The following FNDC3A variants were observed in gnomAD, a reference collection of about 807,000 sequenced individuals.
FNDC3A encodes fibronectin type-III domain-containing protein 3A.
In FNDC3A, 32 loss-of-function variants were observed where a neutral mutation model predicts 148.9. The observed-to-expected ratio is 0.21, with a 90% CI of 0.16 to 0.29. FNDC3A has a LOEUF of 0.29. Among genes scored for constraint, FNDC3A ranks in the 10% least tolerant of loss-of-function variants. FNDC3A has a pLI of 1.00. For missense variants in FNDC3A, 1,191 were observed against 1,452.8 expected (o/e 0.82, Z 2.93); for synonymous variants, 472 against 473.6 (o/e 1.00, Z 0.04).
At chr13:49,016,579 G>A (rs1256223001) in intron 2 of FNDC3A, among the ~76,000 whole-genome samples, 1 of 151,978 alleles carries the variant, frequency 6.6e-6, no homozygotes, top group Non-Finnish European at 1.5e-5. Flanking sequence ...TTTTTTGAAG[G>A]GTTTTGTGTG....
chr13:49,200,891 C>G (rs1886390432), intron 23 of FNDC3A, among the ~76,000 whole-genome samples: 1 of 151,538 alleles, frequency 6.6e-6, no homozygotes, highest in South Asian at 2.1e-4. Context: ...TAGTTGTTCC[C>G]TGATCCAGAT....
chr13:49,018,209 T>A (rs1566194208), intron 2 of FNDC3A, among the ~76,000 whole-genome samples: 1 of 152,168 alleles, frequency 6.6e-6, no homozygotes, highest in Non-Finnish European at 1.5e-5. Flanking sequence ...TCCAACTTGG[T>A]TCTATTCTCC....
chr13:49,171,370 A>G (rs1884745547), intron 10 of FNDC3A, among the ~76,000 whole-genome samples: 1 of 152,182 alleles, frequency 6.6e-6, no homozygotes. Flanking sequence ...GTCTGCAAAT[A>G]TATGGAGTTA....
intron 2 of FNDC3A, among the ~76,000 whole-genome samples, chr13:49,029,600 TATAGA>T (rs1371267815): frequency 5.3e-5 from 8 of 151,802 alleles, no homozygotes; most frequent in Non-Finnish European, 1.2e-4. Flanking sequence ...AACAGAAAAA[TATAGA>T]AAATCAAAAA....
intron 2 of FNDC3A, among the ~76,000 whole-genome samples, chr13:49,073,695 T>C (rs368883256): frequency 6.8e-6 from 1 of 146,556 alleles, no homozygotes; most frequent in Non-Finnish European, 1.5e-5. Flanking sequence ...AAAATATATA[T>C]GTATATATAA....
chr13:49,020,578 T>C (rs1593481206), intron 2 of FNDC3A, among the ~76,000 whole-genome samples: 1 of 152,350 alleles, frequency 6.6e-6, no homozygotes, highest in African/African-American at 2.4e-5. Context: ...CTAAATAGAA[T>C]GTTGCTGGTA....
intron 3 of FNDC3A, among the ~76,000 whole-genome samples, chr13:49,094,984 A>G (rs1009979364): frequency 3.9e-5 from 6 of 152,092 alleles, no homozygotes; most frequent in African/African-American, 1.4e-4. Flanking sequence ...TAATTGTGGC[A>G]TATTTCCTCC....
chr13:49,084,967 C>T (rs977541104), intron 3 of FNDC3A, among the ~76,000 whole-genome samples: 1 of 152,094 alleles, frequency 6.6e-6, no homozygotes, highest in African/African-American at 2.4e-5. Context: ...TTTTCTTTTT[C>T]GTTGCTGCTG....
chr13:49,116,897 G>T (rs903715891), intron 4 of FNDC3A, among the ~76,000 whole-genome samples: 4 of 152,170 alleles, frequency 2.6e-5, no homozygotes, highest in Non-Finnish European at 5.9e-5. Context: ...AAGGACAGGT[G>T]GGGGTTAGCT....
At chr13:49,178,765 T>TA (rs1885158923) in intron 14 of FNDC3A, 111 bp downstream of exon 14, 2 of 607,000 alleles carry the variant, frequency 3.3e-6, no homozygotes, top group Admixed American at 7.4e-5. Flanking sequence ...GACGGGCTCT[T>TA]ACTCTGTCAC....
intron 2 of FNDC3A, among the ~76,000 whole-genome samples, chr13:49,025,331 G>A (rs1430592046): frequency 6.6e-5 from 10 of 151,962 alleles, no homozygotes; most frequent in Non-Finnish European, 1.5e-4. Flanking sequence ...TGATATACTT[G>A]AAAAATGTAT....
chr13:49,055,555 C>T (rs1487401291), intron 2 of FNDC3A, among the ~76,000 whole-genome samples: 1 of 152,158 alleles, frequency 6.6e-6, no homozygotes, highest in African/African-American at 2.4e-5. Context: ...AAGCCTGCTA[C>T]CTGGCGTCAT....
chr13:49,152,053 T>C (rs1207660787), intron 8 of FNDC3A, among the ~76,000 whole-genome samples: 1 of 152,346 alleles, frequency 6.6e-6, no homozygotes, highest in Non-Finnish European at 1.5e-5. Flanking sequence ...GCATGTGTCT[T>C]TATGGTAGCA....
intron 2 of FNDC3A, among the ~76,000 whole-genome samples, chr13:49,015,850 A>G (rs1410176078): frequency 3.3e-5 from 5 of 151,582 alleles, no homozygotes; most frequent in South Asian, 4.2e-4. Context: ...TTCTGCATCT[A>G]TTGAGATAAT....
chr13:49,038,896 T>G (rs891135882), intron 2 of FNDC3A, among the ~76,000 whole-genome samples: 16 of 152,330 alleles, frequency 1.1e-4, no homozygotes, highest in African/African-American at 3.8e-4. Flanking sequence ...TTTGTAGATT[T>G]TTTTTTGCAA....
At chr13:49,051,523 A>C (rs1875840655) in intron 2 of FNDC3A, among the ~76,000 whole-genome samples, 1 of 152,190 alleles carries the variant, frequency 6.6e-6, no homozygotes, top group African/African-American at 2.4e-5. Context: ...GCTTGTAGGG[A>C]TTCTGCTGAG....
chr13:49,069,261 CTTTAA>C (rs1202675737), intron 2 of FNDC3A, among the ~76,000 whole-genome samples: 96 of 151,958 alleles, frequency 6.3e-4, no homozygotes, highest in African/African-American at 2.0e-3. Context: ...TTAAAGAAAC[CTTTAA>C]TACCTTTAAA....
At chr13:49,038,911 A>G (rs976202940) in intron 2 of FNDC3A, among the ~76,000 whole-genome samples, 9 of 152,014 alleles carry the variant, frequency 5.9e-5, no homozygotes, top group African/African-American at 9.7e-5. Flanking sequence ...TTGCAAAAAT[A>G]TAGGTGAACA....
At chr13:49,107,990 G>A (rs1258534934) in intron 3 of FNDC3A, among the ~76,000 whole-genome samples, 1 of 152,062 alleles carries the variant, frequency 6.6e-6, no homozygotes, top group Non-Finnish European at 1.5e-5. Flanking sequence ...AGGCAGTGTT[G>A]GATCAGGAGA....
Sources: gnomAD v4.1 joint callset for allele counts (sites outside exome capture counted in the v4.1 genomes callset) on GRCh38, gnomAD v4.1.1 for gene constraint, MANE v1.5 for transcripts, NCBI Gene and HGNC (gene_info 2026-07-23, HGNC 2026-07-21) for gene names.